SLC16A12: variants seen among roughly 807,000 people sequenced by gnomAD.
SLC16A12 encodes monocarboxylate transporter 12.
Under a neutral mutation model 42.4 loss-of-function variants are expected in SLC16A12, and 17 were observed. That is an observed-to-expected ratio of 0.40 (90% CI 0.27 to 0.60). The LOEUF (loss-of-function observed/expected upper bound fraction) is 0.60. Ranked by LOEUF, SLC16A12 falls within the 20% of genes least tolerant of loss-of-function variation. SLC16A12 has a pLI of 0.42. For missense variants in SLC16A12, 544 were observed against 623.0 expected (o/e 0.87, Z 1.35); for synonymous variants, 224 against 229.4 (o/e 0.98, Z 0.21).
chr10:89,514,783 T>C (rs1458167969), intron 2 of SLC16A12, among the ~76,000 whole-genome samples: 1 of 152,142 alleles, frequency 6.6e-6, no homozygotes, highest in Admixed American at 6.5e-5. Context: ...CTGTACTTTG[T>C]AGAGATGAAA....
intron 2 of SLC16A12, among the ~76,000 whole-genome samples, chr10:89,518,803 T>C (rs1411303752): frequency 6.6e-6 from 1 of 152,138 alleles, no homozygotes; most frequent in African/African-American, 2.4e-5. Context: ...CTGGCCACAG[T>C]TTTGGTCACT....
chr10:89,464,427 T>A (rs1842358687), intron 2 of SLC16A12, among the ~76,000 whole-genome samples: 1 of 152,162 alleles, frequency 6.6e-6, no homozygotes, highest in Non-Finnish European at 1.5e-5. Flanking sequence ...CAGGGACGAA[T>A]TTTTTGAGAG....
chr10:89,436,356 A>G, intron 6 of SLC16A12, 37 bp from the exon 7 acceptor site: 1 of 1,613,392 alleles, frequency 6.2e-7, no homozygotes, highest in Non-Finnish European at 8.5e-7. Context: ...TGCAGGAGGT[A>G]CACATTCTGT....
intron 2 of SLC16A12, among the ~76,000 whole-genome samples, chr10:89,479,125 G>A (rs764053647): frequency 1.1e-4 from 17 of 152,262 alleles, no homozygotes; most frequent in Admixed American, 9.2e-4. Context: ...CAGGATAGCC[G>A]CATGTTTAGT....
upstream of SLC16A12, among the ~76,000 whole-genome samples, chr10:89,539,881 C>CTTTCTTTCTTTCTTTCTTTA (rs1554834002): frequency 0.017 from 2,490 of 144,086 alleles, 44 homozygotes; most frequent in Non-Finnish European, 0.027. Flanking sequence ...TTCTTTCTTT[C>CTTTCTTTCTTTCTTTCTTTA]TTTCTTTCTT....
rs756319451 is a variant in SLC16A12, at chr10:89,438,894, T to C, written c.738A>G (p.Lys246=). 9 of 1,613,618 alleles carry C rather than the reference T, an allele frequency of 5.6e-6. No homozygotes were observed. The highest frequency in any genetic ancestry group is 7.6e-6 in the Non-Finnish European group (9 of 1,179,840). Residue 246 remains lysine (K), a synonymous_variant, in exon 6 of 8, where the codon AAA becomes AAG. Transcript: ENST00000371790. ...PEQNHVCRTQ[K]EDIKRVSPYS... is the part of the protein sequence containing the mutation. ...AGGGAGACACCCGCTTAATGTCTTC[T>C]TTCTGAGTTCTACACACATGGTTCT... is the stretch of plus-strand genomic sequence containing the variant.
chr10:89,528,280 ACAACT>A (rs1185128134), intron 2 of SLC16A12, among the ~76,000 whole-genome samples: 16 of 152,252 alleles, frequency 1.1e-4, no homozygotes, highest in Non-Finnish European at 2.9e-5. Context: ...ATTAAGGTTG[ACAACT>A]CAATCAATTT....
chr10:89,495,658 T>A (rs1589705720), intron 2 of SLC16A12, among the ~76,000 whole-genome samples: 1 of 152,298 alleles, frequency 6.6e-6, no homozygotes, highest in East Asian at 1.9e-4. Context: ...AGCCTGTAGT[T>A]GGGCAAACTC....
chr10:89,540,232 G>T (rs575675403), upstream of SLC16A12, among the ~76,000 whole-genome samples: 2 of 152,160 alleles, frequency 1.3e-5, no homozygotes, highest in Non-Finnish European at 2.9e-5. Context: ...CCAAGTAGCT[G>T]GGACTACAGC....
At chr10:89,481,563 G>T (rs1326196634) in intron 2 of SLC16A12, among the ~76,000 whole-genome samples, 1 of 151,554 alleles carries the variant, frequency 6.6e-6, no homozygotes, top group Non-Finnish European at 1.5e-5. Context: ...CCAAAAACAA[G>T]AATCTATTGA....
chr10:89,449,705 C>T (rs555855221), intron 3 of SLC16A12, among the ~76,000 whole-genome samples: 1,605 of 152,238 alleles, frequency 0.011, 30 homozygotes, highest in African/African-American at 0.037. Flanking sequence ...TGGGCAAGGA[C>T]TTCATGACTA....
At chr10:89,534,395 G>C (rs1843612650) in intron 2 of SLC16A12, 106 bp downstream of exon 2, 1 of 152,206 alleles carries the variant, frequency 6.6e-6, no homozygotes, top group East Asian at 1.9e-4. Context: ...GGCTAAGCTG[G>C]TGACGCCGCG....
intron 3 of SLC16A12, among the ~76,000 whole-genome samples, chr10:89,459,289 T>C (rs1842251446): frequency 6.6e-6 from 1 of 151,188 alleles, no homozygotes; most frequent in Non-Finnish European, 1.5e-5. Flanking sequence ...GTTAAGACAA[T>C]GACTCCCATA....
At chr10:89,556,594 G>T (rs1298687000) in exon 1 of SLC16A12, 2 of 152,094 alleles carry the variant, frequency 1.3e-5, no homozygotes, top group African/African-American at 4.8e-5. Context: ...TTCTGGAGCT[G>T]GTTTCTGACC....
Position 89,443,775 on chromosome 10 carries a change from A to G in SLC16A12, c.285T>C (p.Asp95=), listed in dbSNP as rs903183702. Residue 95 remains aspartate (D), a synonymous_variant, in exon 4 of 8, where the codon GAT becomes GAC. Transcript: ENST00000371790. ...AQTAWIHSIV[D]CVTMLCAPLG... Reference sequence around the variant, plus strand: ...ACTCACCACAGAGCATGGTCACACAATCTACAATGGAATGGATCCATGCCG... The same window carrying G: ...ACTCACCACAGAGCATGGTCACACAGTCTACAATGGAATGGATCCATGCCG... The G allele has an allele frequency of 3.1e-6, 5 of 1,613,336 alleles. No individual in the cohort carries two copies. Among genetic ancestry groups the G allele is most frequent in the Non-Finnish European group, 4.2e-6 (5 of 1,179,344 alleles).
At chr10:89,440,426 C>T (rs1341302384) in intron 5 of SLC16A12, among the ~76,000 whole-genome samples, 5 of 152,220 alleles carry the variant, frequency 3.3e-5, no homozygotes, top group African/African-American at 4.8e-5. Flanking sequence ...TATGAGGTTA[C>T]GTCCTTTATT....
At chr10:89,532,863 A>T (rs1843578504) in intron 2 of SLC16A12, among the ~76,000 whole-genome samples, 1 of 152,250 alleles carries the variant, frequency 6.6e-6, no homozygotes. Context: ...GAGACAAAAT[A>T]ACAACAGAAC....
chr10:89,539,879 T>TTCTTTC (rs1843702120), upstream of SLC16A12, among the ~76,000 whole-genome samples: 1 of 145,640 alleles, frequency 6.9e-6, no homozygotes, highest in African/African-American at 2.7e-5. Flanking sequence ...CTTTCTTTCT[T>TTCTTTC]TCTTTCTTTC....
At position 89,462,544 on chromosome 10, in the gene SLC16A12, G is replaced by A; in HGVS notation, c.35C>T (p.Ser12Phe). Residue 12 changes from serine (S) to phenylalanine (F), a missense_variant, in exon 3 of 8, where the codon TCC becomes TTC. Ser to Phe is a radical substitution (Grantham distance 155). Transcript: ENST00000371790. ...PSGSHWTANS[S>F]KIITWLLEQP... ...CTCCAACAGCCAAGTTATGATCTTG[G>A]AAGAGTTTGCTGTCCAGTGACTTCC... 1 of 1,612,174 alleles carries A rather than the reference G, an allele frequency of 6.2e-7. No individual in the cohort carries two copies. The highest frequency in any genetic ancestry group is 8.5e-7 in the Non-Finnish European group (1 of 1,179,686).
Sources: gnomAD v4.1 joint callset for allele counts (sites outside exome capture counted in the v4.1 genomes callset) on GRCh38, gnomAD v4.1.1 for gene constraint, MANE v1.5 for transcripts, NCBI Gene and HGNC (gene_info 2026-07-23, HGNC 2026-07-21) for gene names.